The following FBXL17 variants were observed in gnomAD, a reference collection of about 807,000 sequenced individuals.
FBXL17 encodes the protein F-box and leucine rich repeat protein 17.
A neutral mutation model predicts 66.2 loss-of-function variants in FBXL17; 22 were observed. The observed-to-expected ratio is 0.33, with a 90% confidence interval of 0.24 to 0.47. The LOEUF (loss-of-function observed/expected upper bound fraction) is 0.47. Among genes scored for constraint, FBXL17 ranks in the 20% least tolerant of loss-of-function variants. The pLI is 1.00. For synonymous variants in FBXL17, 474 were observed against 400.5 expected (o/e 1.18, Z -2.19); for missense variants, 878 against 948.2 (o/e 0.93, Z 0.97).
chr5:107,899,819 G>T (rs1446348006), intron 7 of FBXL17, among the ~76,000 whole-genome samples: 1 of 152,074 alleles, frequency 6.6e-6, no homozygotes, highest in African/African-American at 2.4e-5. Flanking sequence ...TGAGGAGGGG[G>T]AGTGAGGGTT....
intron 6 of FBXL17, among the ~76,000 whole-genome samples, chr5:108,086,105 C>T (rs1478501743): frequency 2.6e-5 from 4 of 152,020 alleles, no homozygotes; most frequent in East Asian, 1.9e-4. Context: ...AATCCCAGAC[C>T]GTAAAAACCT....
chr5:108,262,267 C>T (rs918762381), intron 4 of FBXL17, among the ~76,000 whole-genome samples: 2 of 151,056 alleles, frequency 1.3e-5, no homozygotes, highest in Admixed American at 1.3e-4. Flanking sequence ...TTAGTAGAGG[C>T]GGGGTTTCAC....
rs532993860 is a variant in FBXL17 at position 108,142,757 on chromosome 5, G to T, written c.1745+43360C>A. ...AACATATTAGGAACCAGGCTACTCA[G>T]CAGGAGGTAAGCAGTGGGCAACCAA... On this transcript the variant is annotated intron_variant, in intron 6 of 8. Coordinates refer to ENST00000542267, the MANE Select transcript of FBXL17 (RefSeq NM_001163315.3). Among the ~76,000 whole-genome samples, 17 of 152,182 alleles carry T rather than the reference G, an allele frequency of 1.1e-4. No homozygotes were observed. In the South Asian group the frequency reaches 3.5e-3, roughly 32 times the overall value.
intron 8 of FBXL17, among the ~76,000 whole-genome samples, chr5:107,877,961 A>G (rs114616242): frequency 0.015 from 2,299 of 151,946 alleles, 69 homozygotes; most frequent in African/African-American, 0.053. Context: ...ATTTTTCACT[A>G]TTATTTTGTT....
rs1218175865 is a variant in FBXL17 at position 108,010,667 on chromosome 5, A to T, written c.1822+10258T>A. On this transcript the variant is annotated intron_variant, in intron 7 of 8. Coordinates refer to ENST00000542267, the MANE Select transcript of FBXL17 (RefSeq NM_001163315.3). ...ATGTCTCTACCATAACGTGCATAAG[A>T]AGAGCCTGGTGTATCTTGACATAAC... Among the ~76,000 whole-genome samples the T allele has an allele frequency of 2.0e-4, 31 of 151,932 alleles. 1 individual carries two copies. The highest frequency in any genetic ancestry group is 2.0e-3 in the Admixed American group (31 of 15,266).
At chr5:108,063,706 G>A (rs1561392424) in intron 6 of FBXL17, among the ~76,000 whole-genome samples, 1 of 152,014 alleles carries the variant, frequency 6.6e-6, no homozygotes, top group Non-Finnish European at 1.5e-5. Flanking sequence ...AAGTAAGACA[G>A]AAATCATATA....
chr5:108,224,993 T>C (rs374649025), intron 4 of FBXL17, among the ~76,000 whole-genome samples: 1 of 152,082 alleles, frequency 6.6e-6, no homozygotes, highest in Non-Finnish European at 1.5e-5. Context: ...AAGAGTACAG[T>C]TCAGTATATT....
intron 4 of FBXL17, among the ~76,000 whole-genome samples, chr5:108,285,376 AT>A (rs1757859056): frequency 6.6e-6 from 1 of 151,848 alleles, no homozygotes; most frequent in African/African-American, 2.4e-5. Context: ...CAGGTTTTCA[AT>A]TTACTTTGCC....
At position 108,020,988 on chromosome 5, in the gene FBXL17, T is replaced by C. The variant is rs142270301; in HGVS notation, c.1759A>G (p.Ile587Val). 11 of 1,609,884 alleles carry C rather than the reference T, an allele frequency of 6.8e-6. No homozygotes were observed. The African/African-American group carries it at 1.3e-4, about 20-fold the overall frequency. Residue 587 changes from isoleucine to valine, a missense_variant, in exon 7 of 9, where the codon ATT (isoleucine) becomes GTT (valine). Ile to Val is a conservative substitution (Grantham distance 29, BLOSUM62 3). Transcript: ENST00000542267. ...WIINDRCVEV[I>V]AKEGQNLKEL... Reference sequence around the variant, plus strand: ...TTCAGGTTTTGTCCTTCCTTTGCAATGACCTCCACACACCTGAAACATACA... The same window carrying C: ...TTCAGGTTTTGTCCTTCCTTTGCAACGACCTCCACACACCTGAAACATACA...
chr5:108,068,612 T>C (rs777531860), intron 6 of FBXL17, among the ~76,000 whole-genome samples: 6 of 151,950 alleles, frequency 3.9e-5, no homozygotes, highest in African/African-American at 9.7e-5. Context: ...CGTGCCACCA[T>C]GCCCAGCTAA....
chr5:108,240,235 G>A (rs142727056), intron 4 of FBXL17, among the ~76,000 whole-genome samples: 1 of 152,100 alleles, frequency 6.6e-6, no homozygotes, highest in Non-Finnish European at 1.5e-5. Flanking sequence ...CCACAGTTGG[G>A]TAGAGCAACA....
At chr5:107,965,316 T>A (rs1752082108) in intron 7 of FBXL17, among the ~76,000 whole-genome samples, 1 of 152,170 alleles carries the variant, frequency 6.6e-6, no homozygotes, top group Non-Finnish European at 1.5e-5. Context: ...AACGCTTGTA[T>A]GTTTGGAAAA....
chr5:108,109,593 T>C (rs934422451), intron 6 of FBXL17, among the ~76,000 whole-genome samples: 1 of 152,204 alleles, frequency 6.6e-6, no homozygotes, highest in East Asian at 1.9e-4. Flanking sequence ...TTTAAATACA[T>C]TTGTATGTTT....
intron 1 of FBXL17, among the ~76,000 whole-genome samples, chr5:108,373,726 G>C (rs1383818558): frequency 3.3e-5 from 5 of 151,880 alleles, no homozygotes; most frequent in Non-Finnish European, 7.4e-5. Context: ...GACCAGCCTG[G>C]GCAACATGGC....
intron 6 of FBXL17, among the ~76,000 whole-genome samples, chr5:108,057,820 T>C (rs1436874376): frequency 6.6e-6 from 1 of 152,212 alleles, no homozygotes; most frequent in Non-Finnish European, 1.5e-5. Flanking sequence ...TAATAGTCAA[T>C]AATAATTTTA....
intron 4 of FBXL17, among the ~76,000 whole-genome samples, chr5:108,266,079 C>T (rs17161193): frequency 0.26 from 39,977 of 151,786 alleles, 6,334 homozygotes; most frequent in East Asian, 0.52. Context: ...TGTGGTGGAG[C>T]TGGGGCACAT....
At chr5:107,870,953 C>G (rs1748426391) in intron 8 of FBXL17, among the ~76,000 whole-genome samples, 1 of 149,608 alleles carries the variant, frequency 6.7e-6, no homozygotes, top group African/African-American at 2.5e-5. Flanking sequence ...AAGCTGACCA[C>G]AGAACATCCA....
intron 4 of FBXL17, among the ~76,000 whole-genome samples, chr5:108,276,770 A>AG (rs764147021): frequency 2.4e-4 from 37 of 152,170 alleles, no homozygotes; most frequent in Non-Finnish European, 2.1e-4. Flanking sequence ...AGACCACTCA[A>AG]GAAAAAAAAT....
At chr5:108,302,244 G>A (rs1758624093) in intron 4 of FBXL17, among the ~76,000 whole-genome samples, 1 of 151,772 alleles carries the variant, frequency 6.6e-6, no homozygotes, top group Non-Finnish European at 1.5e-5. Context: ...GTCATCACTA[G>A]TCAAAAATAC....
Sources: gnomAD v4.1 joint callset for allele counts (sites outside exome capture counted in the v4.1 genomes callset) on GRCh38, gnomAD v4.1.1 for gene constraint, MANE v1.5 for transcripts, NCBI Gene and HGNC (gene_info 2026-07-23, HGNC 2026-07-21) for gene names.